Variants in CAPN6 observed in about 807,000 individuals in gnomAD.
CAPN6 encodes the protein calpain-6.
A neutral mutation model predicts 46.0 loss-of-function variants in CAPN6; 16 were observed. The ratio of observed to expected loss-of-function variants is 0.35; its 90% CI spans 0.24 to 0.53. CAPN6 has a LOEUF of 0.53. Among genes scored for constraint, CAPN6 ranks in the 20% least tolerant of loss-of-function variants. The pLI, the probability that CAPN6 is intolerant of heterozygous loss-of-function variation, is 0.94. For synonymous variants in CAPN6, 206 were observed against 172.8 expected (o/e 1.19, Z -1.51); for missense variants, 461 against 498.0 (o/e 0.93, Z 0.71).
Position 111,246,558 on chromosome X carries a change from A to T in CAPN6, c.*19T>A, listed in dbSNP as rs1340487154. The T allele has an allele frequency of 2.5e-6, 3 of 1,190,358 alleles. No individual in the cohort carries two copies. Among genetic ancestry groups the T allele is most frequent in the Admixed American group, 2.2e-5 (1 of 45,217 alleles). ...TAAAAGGGTGGCACGCTTTGTCAGGATTCTCTGGGATTGCAGATTTAGAGC... is the reference window on the plus strand; with the variant it reads ...TAAAAGGGTGGCACGCTTTGTCAGGTTTCTCTGGGATTGCAGATTTAGAGC... On this transcript the variant is annotated 3_prime_UTR_variant, in exon 13 of 13. Coordinates refer to ENST00000324068, the MANE Select transcript of CAPN6 (RefSeq NM_014289.4).
intron 2 of CAPN6, among the ~76,000 whole-genome samples, chrX:111,257,167 C>T (rs1012050155): frequency 9.0e-6 from 1 of 111,654 alleles, no homozygotes; most frequent in East Asian, 2.8e-4. Context: ...AGTCATCCAT[C>T]CCTGTGCCTT....
Position 111,248,972 on chromosome X carries a change from C to T in CAPN6, c.1244G>A (p.Arg415Lys). Residue 415 changes from arginine (R) to lysine (K), a missense_variant, in exon 9 of 13, where the codon AGA becomes AAA. By Grantham distance (26) the Arg-to-Lys change is conservative (BLOSUM62 2). Transcript: ENST00000324068. ...KDLRTYRRMGRPDNYIIGFEL... is the reference protein window; with the variant it reads ...KDLRTYRRMGKPDNYIIGFEL... ...AAAGCCAATGATGTAATTGTCAGGTCTTCCCATTCGGCGGTAAGTGCGCAG... is the reference window on the plus strand; with the variant it reads ...AAAGCCAATGATGTAATTGTCAGGTTTTCCCATTCGGCGGTAAGTGCGCAG... 1.7e-6 allele frequency: 2 copies of T among 1,211,574 alleles called. No homozygotes were observed. The highest frequency in any genetic ancestry group is 1.1e-6 in the Non-Finnish European group (1 of 895,465).
At chrX:111,253,897 A>G (rs968874655) in intron 3 of CAPN6, among the ~76,000 whole-genome samples, 4 of 111,869 alleles carry the variant, frequency 3.6e-5, no homozygotes, top group African/African-American at 1.3e-4. Context: ...TTTTGTTATT[A>G]ATATGTATTA....
At chrX:111,256,906 T>C (rs769199500) in intron 2 of CAPN6, among the ~76,000 whole-genome samples, 1 of 107,448 alleles carries the variant, frequency 9.3e-6, no homozygotes, top group South Asian at 4.8e-4. Flanking sequence ...AGTTATACTT[T>C]ACCCCTTTTC....
In CAPN6 at chrX:111,253,386, G is replaced by T. The variant is rs993792905; in HGVS notation, c.298-170C>A. On this transcript the variant is annotated intron_variant, in intron 3 of 12. Transcript: ENST00000324068. ...ATATGGCATTTTGCCCACAACTTCT[G>T]CTTCCTCAGTTCAGTTTTGCTGAGG... is the stretch of plus-strand genomic sequence containing the variant. 2.7e-5 allele frequency among the ~76,000 whole-genome samples: 3 copies of T among 112,377 alleles called. No homozygotes were observed. The East Asian group carries it at 8.4e-4, about 31-fold the overall frequency.
chrX:111,267,580 G>A (rs1456711440), intron 1 of CAPN6, among the ~76,000 whole-genome samples: 1 of 111,382 alleles, frequency 9.0e-6, no homozygotes, highest in Non-Finnish European at 1.9e-5. Flanking sequence ...AAAATCTCTT[G>A]CTTCTTAACC....
intron 12 of CAPN6, 141 bp downstream of exon 12, chrX:111,247,227 A>G: frequency 2.1e-6 from 1 of 483,663 alleles, no homozygotes; most frequent in Non-Finnish European, 3.4e-6. Context: ...ATGCTTGATG[A>G]GAAGAGTTTT....
In CAPN6 at chrX:111,270,389, C is replaced by CCTGCTGCTG. The variant is rs750982720; in HGVS notation, c.-43_-35dup. ...TACTCACCTGAGTTATCCCAGGAGCCCTGCTGCTGCTGCTGCTGCTGCTGC... is the reference window on the plus strand; with the variant it reads ...TACTCACCTGAGTTATCCCAGGAGCCCTGCTGCTGCTGCTGCTGCTGCTGCTGCTGCTGC... On this transcript the variant is annotated 5_prime_UTR_variant, in exon 1 of 13. Transcript: ENST00000324068. 1,497 of 332,697 alleles carry CCTGCTGCTG rather than the reference C, an allele frequency of 4.5e-3. 31 individuals carry two copies. Among genetic ancestry groups the CCTGCTGCTG allele is most frequent in the African/African-American group, 0.032 (1,273 of 39,303 alleles). The allele number at this position is 332,697 out of a possible 1,213,427, so 27.4% of individuals were successfully genotyped here.
Position 111,248,921 on chromosome X carries a change from AT to A in CAPN6, c.1281+13del, listed in dbSNP as rs748323677. ...TTTGCCTTCATTCTCTCTGCCCCAAATGCCCATTTTTACCTTGAAGAGCTCA... is the reference window on the plus strand; with the variant it reads ...TTTGCCTTCATTCTCTCTGCCCCAAAGCCCATTTTTACCTTGAAGAGCTCA... On this transcript the variant is annotated intron_variant, in intron 9 of 12. Coordinates refer to ENST00000324068, the MANE Select transcript of CAPN6 (RefSeq NM_014289.4). 1.7e-6 allele frequency: 2 copies of A among 1,209,274 alleles called. No homozygotes were observed. The highest frequency in any genetic ancestry group is 3.5e-5 in the African/African-American group (2 of 56,930).
intron 11 of CAPN6, 80 bp downstream of exon 11, chrX:111,247,791 C>A: frequency 4.5e-6 from 5 of 1,099,797 alleles, no homozygotes; most frequent in East Asian, 3.0e-5. Flanking sequence ...TGGAGAAAAT[C>A]ATTTGTGATC....
Position 111,252,376 on chromosome X carries a change from C to T in CAPN6, c.630G>A (p.Glu210=). The change falls in exon 5 of 13, where the codon GAG becomes GAA. Residue 210 remains glutamate, a synonymous_variant. Transcript: ENST00000324068. ...ACAGTTCTCCGAATAGCTTGTACTTCTCCTCAACAAGCTCAGTGTATCTTC... is the reference window on the plus strand; with the variant it reads ...ACAGTTCTCCGAATAGCTTGTACTTTTCCTCAACAAGCTCAGTGTATCTTC... The part of the protein sequence containing the change: ...QKGRYTELVE[E]KYKLFGELYK... The T allele has an allele frequency of 8.3e-7, 1 of 1,209,046 alleles. No homozygotes were observed. The highest frequency in any genetic ancestry group is 1.7e-5 in the African/African-American group (1 of 57,713).
chrX:111,257,935 G>A (rs948027146), intron 2 of CAPN6, among the ~76,000 whole-genome samples: 7 of 111,854 alleles, frequency 6.3e-5, no homozygotes, highest in African/African-American at 1.3e-4. Flanking sequence ...AGGAAGTTGA[G>A]TACCAAGAGT....
chrX:111,262,828 CACA>C (rs895608803), intron 2 of CAPN6, among the ~76,000 whole-genome samples: 1 of 111,897 alleles, frequency 8.9e-6, no homozygotes, highest in African/African-American at 3.2e-5. Context: ...CACAGAGAAC[CACA>C]ACAACTATTA....
At chrX:111,247,242 T>C in intron 12 of CAPN6, 126 bp downstream of exon 12, 1 of 594,227 alleles carries the variant, frequency 1.7e-6, no homozygotes, top group Middle Eastern at 5.2e-4. Context: ...AGTTTTTGAG[T>C]ATAAAACAAA....
At chrX:111,249,183 T>G in intron 8 of CAPN6, 126 bp from the exon 9 acceptor site, 1 of 711,513 alleles carries the variant, frequency 1.4e-6, no homozygotes, top group Non-Finnish European at 2.1e-6. Flanking sequence ...GGCTTTCATA[T>G]TTATCAGACA....
At chrX:111,250,809 G>T (rs1309808757) in intron 8 of CAPN6, 108 bp downstream of exon 8, 1 of 757,392 alleles carries the variant, frequency 1.3e-6, no homozygotes, top group East Asian at 3.2e-5. Context: ...CACAATAGCT[G>T]CAAAAGGAAG....
chrX:111,251,738 G>C lies in CAPN6; in HGVS notation c.704C>G (p.Pro235Arg), dbSNP rs374776350. ...GGLICCSIES[P>R]NQEEQEVETD... Reference sequence around the variant, plus strand: ...TTCAACTTCTTGCTCCTCCTGATTGGGAGACTGAGAGCAAAGAAAGATATA... The same window carrying C: ...TTCAACTTCTTGCTCCTCCTGATTGCGAGACTGAGAGCAAAGAAAGATATA... Residue 235 changes from proline to arginine, a missense_variant, in exon 6 of 13, where the codon CCC (proline) becomes CGC (arginine). Physicochemically the swap from Pro to Arg is moderately radical, Grantham distance 103. Coordinates refer to ENST00000324068, the MANE Select transcript of CAPN6 (RefSeq NM_014289.4). 8 of 1,199,645 alleles carry C rather than the reference G, an allele frequency of 6.7e-6. No individual in the cohort carries two copies. The African/African-American group carries it at 1.4e-4, about 21-fold the overall frequency.
intron 3 of CAPN6, among the ~76,000 whole-genome samples, 188 bp from the exon 4 acceptor site, chrX:111,253,404 T>G (rs1488413659): frequency 8.9e-6 from 1 of 112,494 alleles, no homozygotes. Context: ...AGTTCAGTTT[T>G]GCTGAGGATG....
At chrX:111,266,285 C>T (rs2094991935) in intron 1 of CAPN6, among the ~76,000 whole-genome samples, 1 of 98,137 alleles carries the variant, frequency 1.0e-5, no homozygotes, top group Non-Finnish European at 2.0e-5. Context: ...GACTGGGCAA[C>T]AGAACTGTGA....
Sources: allele counts gnomAD v4.1 joint callset (sites outside exome capture counted in the v4.1 genomes callset), GRCh38; gene constraint gnomAD v4.1.1; transcripts MANE v1.5; gene names NCBI Gene and HGNC (gene_info 2026-07-23, HGNC 2026-07-21).